PGM1: variants seen among roughly 807,000 people sequenced by gnomAD.
PGM1 encodes phosphoglucomutase-1.
A neutral mutation model predicts 55.6 loss-of-function variants in PGM1; 52 were observed. That is an observed-to-expected ratio of 0.94 (90% CI 0.75 to 1.18). The LOEUF is 1.18. Ranked by LOEUF, PGM1 falls within the 50% of genes most tolerant of loss-of-function variation. The pLI, the probability that PGM1 is intolerant of heterozygous loss-of-function variation, is 0.00. For missense variants in PGM1, 724 were observed against 729.3 expected (o/e 0.99, Z 0.08); for synonymous variants, 287 against 271.7 (o/e 1.06, Z -0.55).
At chr1:63,601,042 G>T (rs1219503970) in intron 1 of PGM1, among the ~76,000 whole-genome samples, 1 of 152,064 alleles carries the variant, frequency 6.6e-6, no homozygotes, top group Non-Finnish European at 1.5e-5. Context: ...AGACAAATGA[G>T]CAACAAAAAG....
rs1453920894 is a variant in PGM1, at chr1:63,654,411, G to A, written c.1544G>A (p.Arg515Gln). 6.2e-6 allele frequency: 10 copies of A among 1,613,988 alleles called. No individual in the cohort carries two copies. The highest frequency in any genetic ancestry group is 1.3e-5 in the African/African-American group (1 of 75,008). ...ACTGGGAGTGCCGGGGCCACCATTC[G>A]GCTGTACATCGATAGCTATGAGAAG... The part of the protein sequence containing the change: ...SGTGSAGATI[R>Q]LYIDSYEKDV... The change falls in exon 10 of 11, where the codon CGG becomes CAG. Residue 515 changes from arginine to glutamine, a missense_variant. Physicochemically the swap from Arg to Gln is conservative, Grantham distance 43. This residue lies in a region of PGM1 where 316 missense variants were observed against 313.1 expected (regional missense o/e 1.01). Coordinates refer to ENST00000371084, the MANE Select transcript of PGM1 (RefSeq NM_002633.3).
intron 1 of PGM1, among the ~76,000 whole-genome samples, chr1:63,596,938 T>A (rs1648090405): frequency 6.6e-6 from 1 of 152,214 alleles, no homozygotes. Context: ...TAGCACTTGA[T>A]TTAAAGCCAG....
intron 4 of PGM1, among the ~76,000 whole-genome samples, chr1:63,633,938 T>TA (rs1557433800): frequency 8.1e-5 from 6 of 73,992 alleles, no homozygotes; most frequent in African/African-American, 3.8e-4. Flanking sequence ...ATATATTTTT[T>TA]TTTTTTTTTT....
intron 1 of PGM1, among the ~76,000 whole-genome samples, chr1:63,595,291 C>T (rs986635881): frequency 6.6e-6 from 1 of 152,158 alleles, no homozygotes; most frequent in South Asian, 2.1e-4. Context: ...CCAACGAGGA[C>T]GCTGAAGCTT....
chr1:63,653,356 A>T (rs1649872261), intron 9 of PGM1, among the ~76,000 whole-genome samples: 2 of 152,228 alleles, frequency 1.3e-5, no homozygotes, highest in African/African-American at 4.8e-5. Context: ...ATGGTCAGTG[A>T]AAATGGACCG....
chr1:63,636,214 G>C lies in PGM1; in HGVS notation c.874-20G>C, dbSNP rs774190359. On this transcript the variant is annotated intron_variant, in intron 5 of 10. Coordinates refer to ENST00000371084, the MANE Select transcript of PGM1 (RefSeq NM_002633.3). ...TAGTTTGATTAAAAGGTCTTTCTTTGATCCTCTCTTCTCCCCAAGGATCGA... is the reference window on the plus strand; with the variant it reads ...TAGTTTGATTAAAAGGTCTTTCTTTCATCCTCTCTTCTCCCCAAGGATCGA... 1.2e-6 allele frequency: 2 copies of C among 1,612,218 alleles called. No individual in the cohort carries two copies. Among genetic ancestry groups the C allele is most frequent in the African/African-American group, 1.3e-5 (1 of 75,002 alleles).
chr1:63,595,007 A>G (rs921084639), intron 1 of PGM1, among the ~76,000 whole-genome samples: 16 of 151,406 alleles, frequency 1.1e-4, no homozygotes, highest in Middle Eastern at 3.4e-3. Flanking sequence ...AGTTGGGGCT[A>G]ATTATTCACT....
intron 8 of PGM1, among the ~76,000 whole-genome samples, chr1:63,650,642 T>C (rs1024265203): frequency 6.6e-6 from 1 of 152,216 alleles, no homozygotes; most frequent in Middle Eastern, 3.2e-3. Flanking sequence ...CTCTGCTATC[T>C]TGAGCTTCTA....
At chr1:63,609,677 G>C (rs541756582) in intron 1 of PGM1, among the ~76,000 whole-genome samples, 4 of 152,138 alleles carry the variant, frequency 2.6e-5, no homozygotes, top group Non-Finnish European at 4.4e-5. Context: ...TGATACTCTA[G>C]GAGTGAGCCA....
chr1:63,600,928 A>G (rs855322), intron 1 of PGM1, among the ~76,000 whole-genome samples: 57,092 of 152,072 alleles, frequency 0.38, 10,931 homozygotes, highest in East Asian at 0.48. Context: ...AACATTGATC[A>G]AATATTTAAC....
chr1:63,645,771 T>C (rs1356786024), intron 7 of PGM1, among the ~76,000 whole-genome samples: 1 of 152,214 alleles, frequency 6.6e-6, no homozygotes, highest in Non-Finnish European at 1.5e-5. Flanking sequence ...TCATGTTTTT[T>C]TAAGAACCAA....
chr1:63,615,550 C>CT (rs1161161385), intron 1 of PGM1, among the ~76,000 whole-genome samples: 2,173 of 62,928 alleles, frequency 0.035, 371 homozygotes, highest in East Asian at 0.06. Flanking sequence ...TCTTCTTCTT[C>CT]TTTTTTTTTT....
intron 10 of PGM1, among the ~76,000 whole-genome samples, chr1:63,656,571 G>GGTGTGTGTGTGTGTGT (rs10629750): frequency 1.4e-5 from 2 of 144,340 alleles, no homozygotes; most frequent in East Asian, 2.0e-4. Flanking sequence ...AAGACATTGT[G>GGTGTGTGTGTGTGTGT]GTGTGTGTGT....
At chr1:63,630,191 G>C (rs72681118) in intron 3 of PGM1, 103 bp downstream of exon 3, 1 of 1,149,226 alleles carries the variant, frequency 8.7e-7, no homozygotes, top group East Asian at 2.3e-5. Flanking sequence ...AAAGATTTCC[G>C]TGAGTGCTCT....
chr1:63,604,797 G>A (rs966155053), intron 1 of PGM1, among the ~76,000 whole-genome samples: 2 of 152,076 alleles, frequency 1.3e-5, no homozygotes, highest in African/African-American at 4.8e-5. Flanking sequence ...AGTGTTCATA[G>A]TTCTCTCCAT....
At chr1:63,618,060 G>A (rs1648787342) in intron 1 of PGM1, among the ~76,000 whole-genome samples, 1 of 152,246 alleles carries the variant, frequency 6.6e-6, no homozygotes, top group Admixed American at 6.5e-5. Context: ...TAGCCACCCT[G>A]GTTTCAGAAC....
At chr1:63,629,354 T>C in intron 1 of PGM1, 71 bp from the exon 2 acceptor site, 1 of 1,268,982 alleles carries the variant, frequency 7.9e-7, no homozygotes, top group Non-Finnish European at 1.2e-6. Flanking sequence ...CCTGTTGTCT[T>C]GGTGTTGTTT....
Position 63,605,862 on chromosome 1 carries a change from G to A in PGM1, c.246+12128G>A, listed in dbSNP as rs116046897. On this transcript the variant is annotated intron_variant, in intron 1 of 10. Coordinates refer to ENST00000371084, the MANE Select transcript of PGM1 (RefSeq NM_002633.3). ...GTCAGAATTACAGGTGTGAGCCACC[G>A]CACCTAGCCCTGGGAAAGATTTTAG... 4.3e-3 allele frequency among the ~76,000 whole-genome samples: 655 copies of A among 152,254 alleles called. 4 individuals carry two copies. The highest frequency in any genetic ancestry group is 0.015 in the African/African-American group (631 of 41,526).
intron 1 of PGM1, among the ~76,000 whole-genome samples, chr1:63,621,658 A>G (rs909144159): frequency 1.3e-5 from 2 of 152,246 alleles, no homozygotes; most frequent in African/African-American, 4.8e-5. Context: ...TAATTTCTAA[A>G]GAATTTGACT....
Sources: gnomAD v4.1 joint callset for allele counts (sites outside exome capture counted in the v4.1 genomes callset) on GRCh38, gnomAD v4.1.1 for gene constraint, gnomAD v4.1.1 regional missense constraint, MANE v1.5 for transcripts, NCBI Gene and HGNC (gene_info 2026-07-23, HGNC 2026-07-21) for gene names.